CEP85L: variants seen among roughly 807,000 people sequenced by gnomAD.
The protein encoded by CEP85L is centrosomal protein of 85 kDa-like.
Under a neutral mutation model 100.3 loss-of-function variants are expected in CEP85L, and 60 were observed. That is an observed-to-expected ratio of 0.60 (90% CI 0.49 to 0.74). The LOEUF (loss-of-function observed/expected upper bound fraction) is 0.74, where lower values mean the gene tolerates loss of function less well. Among genes scored for constraint, CEP85L ranks in the 30% least tolerant of loss-of-function variants. CEP85L has a pLI of 0.00. For synonymous variants in CEP85L, 319 were observed against 322.7 expected, an observed-to-expected ratio of 0.99 and a Z score of 0.12; for missense variants, 973 against 936.2, an observed-to-expected ratio of 1.04 and a Z score of -0.51.
rs1471877661 is a variant in CEP85L, at chr6:118,595,606, G to A, written c.233-29290C>T. Among the ~76,000 whole-genome samples the A allele has an allele frequency of 2.0e-5, 3 of 152,164 alleles. No homozygotes were observed. The East Asian group carries it at 5.8e-4, about 29-fold the overall frequency. On this transcript the variant is annotated intron_variant, in intron 2 of 12. Coordinates refer to ENST00000368491, the MANE Select transcript of CEP85L (RefSeq NM_001042475.3). ...CTAAAAGCTCCAGGTTAAAAAGGAA[G>A]AGGCAACCACCACCTCAAATATCTC...
rs150398404 is a variant in CEP85L, at chr6:118,697,093, T to C, written c.-28+12943A>G. Reference sequence around the variant, plus strand: ...CTAAAATGGGGTTGTATGGCCCTTTTTGAGGCTCACGAGGGAAACAGAATC... The same window carrying C: ...CTAAAATGGGGTTGTATGGCCCTTTCTGAGGCTCACGAGGGAAACAGAATC... On this transcript the variant is annotated intron_variant, in intron 1 of 13. Transcript: ENST00000368488. 4.6e-5 allele frequency among the ~76,000 whole-genome samples: 7 copies of C among 152,294 alleles called. No individual in the cohort carries two copies. The East Asian group carries it at 1.4e-3, about 29-fold the overall frequency.
intron 5 of CEP85L, among the ~76,000 whole-genome samples, chr6:118,495,218 T>A (rs967660338): frequency 2.6e-5 from 4 of 152,164 alleles, no homozygotes; most frequent in African/African-American, 9.7e-5. Flanking sequence ...GTTAAGGCTT[T>A]AGGGGACTGT....
At chr6:118,474,635 A>T (rs1303745257) in intron 10 of CEP85L, among the ~76,000 whole-genome samples, 1 of 152,240 alleles carries the variant, frequency 6.6e-6, no homozygotes, top group Non-Finnish European at 1.5e-5. Flanking sequence ...GTGAGCGTTC[A>T]GCTACTAGAG....
At chr6:118,466,117 CAATTT>C in intron 12 of CEP85L, among the ~76,000 whole-genome samples, 1 of 152,246 alleles carries the variant, frequency 6.6e-6, no homozygotes, top group South Asian at 2.1e-4. Context: ...CAATCCCAAA[CAATTT>C]AATCAGGCTG....
intron 2 of CEP85L, among the ~76,000 whole-genome samples, chr6:118,590,017 G>A (rs547518152): frequency 3.6e-4 from 55 of 152,100 alleles, no homozygotes; most frequent in African/African-American, 1.3e-3. Flanking sequence ...CCAGTTCTGG[G>A]TGTTTCAGAT....
intron 5 of CEP85L, among the ~76,000 whole-genome samples, chr6:118,501,001 C>CCCCTT (rs1294730960): frequency 1.3e-5 from 2 of 152,194 alleles, no homozygotes; most frequent in Non-Finnish European, 2.9e-5. Context: ...TCTGCTTTCT[C>CCCCTT]CCCTTTTCTT....
At chr6:118,591,376 T>C (rs903158785) in intron 2 of CEP85L, among the ~76,000 whole-genome samples, 1 of 152,134 alleles carries the variant, frequency 6.6e-6, no homozygotes, top group African/African-American at 2.4e-5. Flanking sequence ...GATGAAAAAC[T>C]GAACGTACCT....
chr6:118,633,245 G>T (rs1217269395), intron 1 of CEP85L, among the ~76,000 whole-genome samples: 1 of 147,820 alleles, frequency 6.8e-6, no homozygotes, highest in Non-Finnish European at 1.5e-5. Flanking sequence ...CTGTCACCCA[G>T]GCTGGGTGGA....
In CEP85L at chr6:118,519,572, GTGTGTGT is replaced by G. The variant is rs1335925429; in HGVS notation, c.1139+4223_1139+4229del. 1.6e-3 allele frequency among the ~76,000 whole-genome samples: 21 copies of G among 13,138 alleles called. 1 individual carries two copies. The highest frequency in any genetic ancestry group is 3.8e-3 in the African/African-American group (19 of 5,016). 8.6% of individuals were successfully genotyped at this position (13,138 alleles called of 152,430 possible). On this transcript the variant is annotated intron_variant, in intron 4 of 12. Coordinates refer to ENST00000368491, the MANE Select transcript of CEP85L (RefSeq NM_001042475.3). ...TGTGTGTGTGTGTGTGTGTGTGTGT[GTGTGTGT>G]GTGGCGGGGGGGGGGTGTGAAACTC...
intron 3 of CEP85L, among the ~76,000 whole-genome samples, chr6:118,544,457 T>C (rs1004923355): frequency 2.0e-5 from 3 of 152,218 alleles, no homozygotes; most frequent in African/African-American, 4.8e-5. Flanking sequence ...ACCTTCTAAA[T>C]GTTAAATTTT....
chr6:118,633,598 TTTTA>T (rs1245812809), intron 1 of CEP85L, among the ~76,000 whole-genome samples: 1 of 152,214 alleles, frequency 6.6e-6, no homozygotes, highest in Non-Finnish European at 1.5e-5. Context: ...TTTACTTAAC[TTTTA>T]TTTGACTTTT....
intron 2 of CEP85L, among the ~76,000 whole-genome samples, chr6:118,605,317 TG>T (rs1257657825): frequency 6.6e-6 from 1 of 152,234 alleles, no homozygotes; most frequent in East Asian, 1.9e-4. Flanking sequence ...CCATCCTTCA[TG>T]GAAGTCTCAT....
chr6:118,527,106 C>CT (rs1362319597), intron 3 of CEP85L, among the ~76,000 whole-genome samples: 1 of 150,472 alleles, frequency 6.6e-6, no homozygotes, highest in Admixed American at 6.7e-5. Flanking sequence ...CCTCTGCCTC[C>CT]TGGGTTCAAG....
chr6:118,528,165 T>A (rs902981654), intron 3 of CEP85L, among the ~76,000 whole-genome samples: 19 of 152,100 alleles, frequency 1.2e-4, no homozygotes, highest in African/African-American at 4.6e-4. Flanking sequence ...CTAAAAAAAA[T>A]TTCCCATGGC....
At position 118,561,089 on chromosome 6, in the gene CEP85L, G is replaced by C. The variant is rs557018574; in HGVS notation, c.1020+4440C>G. Among the ~76,000 whole-genome samples the C allele has an allele frequency of 5.9e-5, 9 of 152,294 alleles. No individual in the cohort carries two copies. The South Asian group carries it at 1.7e-3, about 28-fold the overall frequency. On this transcript the variant is annotated intron_variant, in intron 3 of 12. Transcript: ENST00000368491. The stretch of plus-strand genomic sequence containing the variant: ...TATTAAATTTTCTGAACCCATGAGA[G>C]ATACTAGAGATGGGGAGTGGAAAGT...
intron 3 of CEP85L, among the ~76,000 whole-genome samples, chr6:118,563,141 G>C (rs1208042972): frequency 6.6e-6 from 1 of 152,160 alleles, no homozygotes; most frequent in African/African-American, 2.4e-5. Flanking sequence ...ATTACACATG[G>C]AGCCTTCTGT....
At chr6:118,534,100 TCAAAA>T (rs146712020) in intron 3 of CEP85L, among the ~76,000 whole-genome samples, 4,086 of 152,056 alleles carry the variant, frequency 0.027, 186 homozygotes, top group African/African-American at 0.093. Context: ...AGACTCCGTC[TCAAAA>T]CAAAACAAAA....
chr6:118,575,342 C>G (rs934478950), intron 2 of CEP85L, among the ~76,000 whole-genome samples: 1 of 152,190 alleles, frequency 6.6e-6, no homozygotes, highest in Non-Finnish European at 1.5e-5. Flanking sequence ...AACCTACTCT[C>G]AAACATTCAG....
chr6:118,669,476 G>A (rs973974433), intron 1 of CEP85L, among the ~76,000 whole-genome samples: 2 of 152,102 alleles, frequency 1.3e-5, no homozygotes, highest in Non-Finnish European at 2.9e-5. Flanking sequence ...TTCTTTGTTA[G>A]ATGAAGCATG....
Sources: gnomAD v4.1 joint callset for allele counts (sites outside exome capture counted in the v4.1 genomes callset) on GRCh38, gnomAD v4.1.1 for gene constraint, MANE v1.5 for transcripts, NCBI Gene and HGNC (gene_info 2026-07-23, HGNC 2026-07-21) for gene names.